The following CNTNAP5 variants were observed in gnomAD, a reference collection of about 807,000 sequenced individuals.
CNTNAP5 encodes the protein contactin associated protein family member 5.
CNTNAP5 carries 72 observed loss-of-function variants against 150.2 expected under a neutral mutation model. That is an observed-to-expected ratio of 0.48 (90% CI 0.40 to 0.58). The LOEUF is 0.58. CNTNAP5 is among the 20% of genes least tolerant of loss of function. CNTNAP5 has a pLI of 0.00. For missense variants in CNTNAP5, 1,636 were observed against 1,626.2 expected (o/e 1.01, Z -0.10); for synonymous variants, 672 against 619.8 (o/e 1.08, Z -1.25).
intron 21 of CNTNAP5, among the ~76,000 whole-genome samples, chr2:124,887,928 T>A (rs1354761710): frequency 1.3e-5 from 2 of 152,076 alleles, no homozygotes; most frequent in East Asian, 1.9e-4. Flanking sequence ...TGATTTTTTT[T>A]AAAGAAGATT....
intron 8 of CNTNAP5, among the ~76,000 whole-genome samples, chr2:124,519,829 T>G (rs940637359): frequency 2.6e-5 from 4 of 152,186 alleles, no homozygotes; most frequent in Non-Finnish European, 5.9e-5. Context: ...TTTATTTGAT[T>G]CCTAGGAAAG....
chr2:124,212,575 A>T (rs1425677700), intron 1 of CNTNAP5, among the ~76,000 whole-genome samples: 1 of 152,204 alleles, frequency 6.6e-6, no homozygotes, highest in Non-Finnish European at 1.5e-5. Context: ...TAAAAGGTTG[A>T]ATAGCTTTCT....
intron 13 of CNTNAP5, among the ~76,000 whole-genome samples, chr2:124,716,254 A>G (rs1679942825): frequency 6.6e-6 from 1 of 152,142 alleles, no homozygotes; most frequent in Non-Finnish European, 1.5e-5. Context: ...GGCACATACA[A>G]TTTTTCTCAT....
At chr2:124,118,976 C>G (rs1418391556) in intron 1 of CNTNAP5, among the ~76,000 whole-genome samples, 1 of 152,116 alleles carries the variant, frequency 6.6e-6, no homozygotes, top group Non-Finnish European at 1.5e-5. Context: ...CAGAATTACT[C>G]CCATCTTACT....
intron 3 of CNTNAP5, among the ~76,000 whole-genome samples, chr2:124,343,559 T>G (rs1488462817): frequency 6.6e-6 from 1 of 152,136 alleles, no homozygotes; most frequent in Non-Finnish European, 1.5e-5. Context: ...TAATATGATA[T>G]TCATGTAGCC....
In CNTNAP5 at chr2:124,119,362, CTT is replaced by C. The variant is rs5834039; in HGVS notation, c.82+93643_82+93644del. Among the ~76,000 whole-genome samples the C allele has an allele frequency of 3.3e-3, 465 of 139,352 alleles. 1 individual carries two copies. The highest frequency in any genetic ancestry group is 0.01 in the East Asian group (49 of 4,800). The allele number at this position is 139,352 out of a possible 152,430, so 91.4% of individuals were successfully genotyped here. On this transcript the variant is annotated intron_variant, in intron 1 of 23. Transcript: ENST00000682447. ...ATGAACATTTCTTAAGAGCAGGAAGCTTTTTTTTTTTTTTAATGCCTGTTGTA... is the reference window on the plus strand; with the variant it reads ...ATGAACATTTCTTAAGAGCAGGAAGCTTTTTTTTTTTTAATGCCTGTTGTA...
chr2:124,724,245 T>TTTTTGTTG (rs1023359252), intron 13 of CNTNAP5, among the ~76,000 whole-genome samples: 2 of 152,052 alleles, frequency 1.3e-5, no homozygotes. Context: ...TTCAACATTT[T>TTTTTGTTG]TTTTGTTGTT....
At chr2:124,456,680 T>C (rs1693126677) in intron 6 of CNTNAP5, among the ~76,000 whole-genome samples, 2 of 152,090 alleles carry the variant, frequency 1.3e-5, no homozygotes, top group African/African-American at 4.8e-5. Flanking sequence ...TATAAGGCCA[T>C]AGTAACCAAA....
chr2:124,302,018 G>A (rs1157695480), intron 3 of CNTNAP5, among the ~76,000 whole-genome samples: 1 of 152,156 alleles, frequency 6.6e-6, no homozygotes, highest in Non-Finnish European at 1.5e-5. Flanking sequence ...TGTAAGAAGA[G>A]GAAAAGACCC....
rs368498374 is a variant in CNTNAP5, at chr2:124,276,007, CTTTA to C, written c.381+33618_381+33621del. The stretch of plus-strand genomic sequence containing the variant: ...TGAAAGGGTTTTTTGTTGTTGTTTT[CTTTA>C]TTTGTTTGTTTTTTTCCCTTAATTT... On this transcript the variant is annotated intron_variant, in intron 3 of 23. Transcript: ENST00000682447. Among the ~76,000 whole-genome samples, 39 of 152,100 alleles carry C rather than the reference CTTTA, an allele frequency of 2.6e-4. 1 individual carries two copies. The highest frequency in any genetic ancestry group is 1.1e-3 in the Admixed American group (17 of 15,264).
chr2:124,465,380 G>T (rs924057679), intron 6 of CNTNAP5, among the ~76,000 whole-genome samples: 3 of 145,466 alleles, frequency 2.1e-5, no homozygotes, highest in Admixed American at 1.4e-4. Context: ...TCAATGAAAG[G>T]CACACCATTC....
At chr2:124,507,144 T>C (rs1503998) in intron 8 of CNTNAP5, among the ~76,000 whole-genome samples, 149,227 of 152,196 alleles carry the variant, frequency 0.98, 73,232 homozygotes, top group East Asian at 1. Context: ...TAGAAAGAAC[T>C]GGCGTTTAGA....
chr2:124,203,714 A>C (rs7578495), intron 1 of CNTNAP5, among the ~76,000 whole-genome samples: 43,356 of 152,120 alleles, frequency 0.29, 6,388 homozygotes, highest in South Asian at 0.47. Flanking sequence ...TGAAGCAACG[A>C]TATGAGCTTT....
intron 11 of CNTNAP5, among the ~76,000 whole-genome samples, chr2:124,592,375 ATGTGTGTG>A (rs10675321): frequency 1.3e-5 from 2 of 149,726 alleles, no homozygotes; most frequent in South Asian, 2.1e-4. Flanking sequence ...GTATATATAT[ATGTGTGTG>A]TGTGTGTGTG....
At chr2:124,117,318 C>T (rs1683450773) in intron 1 of CNTNAP5, among the ~76,000 whole-genome samples, 2 of 152,126 alleles carry the variant, frequency 1.3e-5, no homozygotes, top group South Asian at 4.1e-4. Context: ...ATATATCTTA[C>T]TTGATTGACT....
At chr2:124,440,476 A>G (rs1478527638) in intron 5 of CNTNAP5, among the ~76,000 whole-genome samples, 1 of 152,174 alleles carries the variant, frequency 6.6e-6, no homozygotes, top group Admixed American at 6.6e-5. Context: ...ACCTAGAAAG[A>G]AGATTTAATC....
At chr2:124,043,008 T>C (rs910094386) in intron 1 of CNTNAP5, among the ~76,000 whole-genome samples, 2 of 152,186 alleles carry the variant, frequency 1.3e-5, no homozygotes, top group Non-Finnish European at 2.9e-5. Context: ...TTGCTTATCT[T>C]CTCCAGTCCA....
At chr2:124,505,912 A>G (rs1694395542) in intron 8 of CNTNAP5, among the ~76,000 whole-genome samples, 1 of 152,228 alleles carries the variant, frequency 6.6e-6, no homozygotes, top group Admixed American at 6.5e-5. Context: ...CCGCAGGTCA[A>G]CATCCATCAT....
At chr2:124,361,098 C>T (rs1436310934) in intron 3 of CNTNAP5, among the ~76,000 whole-genome samples, 1 of 145,634 alleles carries the variant, frequency 6.9e-6, no homozygotes, top group Non-Finnish European at 1.5e-5. Flanking sequence ...CAGTTGATCG[C>T]ATCGGCTCCT....
Sources: gnomAD v4.1 joint callset for allele counts (sites outside exome capture counted in the v4.1 genomes callset) on GRCh38, gnomAD v4.1.1 for gene constraint, MANE v1.5 for transcripts, NCBI Gene and HGNC (gene_info 2026-07-23, HGNC 2026-07-21) for gene names.